Variants in CLOCK observed in about 807,000 individuals in gnomAD.
CLOCK encodes circadian locomoter output cycles protein kaput.
In CLOCK, 43 loss-of-function variants were observed where a neutral mutation model predicts 118.4. The ratio of observed to expected loss-of-function variants is 0.36; its 90% CI spans 0.28 to 0.47. The LOEUF is 0.47. CLOCK is among the 20% of genes least tolerant of loss of function. The pLI, the probability that CLOCK is intolerant of heterozygous loss-of-function variation, is 1.00. For synonymous variants in CLOCK, 326 were observed against 339.2 expected (o/e 0.96, Z 0.43); for missense variants, 846 against 999.9 (o/e 0.85, Z 2.08).
intron 2 of CLOCK, among the ~76,000 whole-genome samples, chr4:55,504,933 C>T (rs112539289): frequency 2.0e-5 from 3 of 152,178 alleles, no homozygotes; most frequent in African/African-American, 7.2e-5. Context: ...CACTGTAATC[C>T]CAGCACTTTG....
In CLOCK at chr4:55,433,053, G is replaced by A. The variant is rs995859919; in HGVS notation, c.*2362C>T. 1 of 152,488 alleles carries A rather than the reference G, an allele frequency of 6.6e-6. No individual in the cohort carries two copies. The highest frequency in any genetic ancestry group is 1.5e-5 in the Non-Finnish European group (1 of 68,016). 9.4% of individuals were successfully genotyped at this position (152,488 alleles called of 1,614,324 possible). A position where few individuals can be genotyped will look rare whatever the true frequency, so the allele number is the denominator to read the frequency against. ...TTCATATCTTTTGTTAGCTAAATCCGTATCACTAGGTATTGCCAATAAATA... is the reference window on the plus strand; with the variant it reads ...TTCATATCTTTTGTTAGCTAAATCCATATCACTAGGTATTGCCAATAAATA... On this transcript the variant is annotated 3_prime_UTR_variant, in exon 23 of 23. Coordinates refer to ENST00000513440, the MANE Select transcript of CLOCK (RefSeq NM_004898.4).
At position 55,430,700 on chromosome 4, in the gene CLOCK, A is replaced by AT. The variant is rs1429805066; in HGVS notation, c.*4714dup. ...TCAGGGCACATTTAAAACACTCAGA[A>AT]TAATTCTTGAAATTATTATATTCTA... On this transcript the variant is annotated 3_prime_UTR_variant, in exon 23 of 23. Coordinates refer to ENST00000513440, the MANE Select transcript of CLOCK (RefSeq NM_004898.4). 1.3e-5 allele frequency: 2 copies of AT among 152,208 alleles called. No individual in the cohort carries two copies. Among genetic ancestry groups the AT allele is most frequent in the Non-Finnish European group, 2.9e-5 (2 of 68,030 alleles). The allele number at this position is 152,208 out of a possible 1,614,324, so 9.4% of individuals were successfully genotyped here. A position where few individuals can be genotyped will look rare whatever the true frequency, so the allele number is the denominator to read the frequency against.
At chr4:55,500,605 C>A (rs1728372320) in intron 2 of CLOCK, among the ~76,000 whole-genome samples, 1 of 152,114 alleles carries the variant, frequency 6.6e-6, no homozygotes, top group Non-Finnish European at 1.5e-5. Flanking sequence ...CCTGCCGTGA[C>A]CTCCCAAATT....
At chr4:55,483,482 C>T (rs374311161) in intron 3 of CLOCK, among the ~76,000 whole-genome samples, 4 of 152,136 alleles carry the variant, frequency 2.6e-5, no homozygotes, top group African/African-American at 9.6e-5. Flanking sequence ...CCTCTGAGAG[C>T]TTGTTTTCAA....
rs543965882 is a variant in CLOCK at position 55,444,538 on chromosome 4, C to T, written c.1692+95G>A. ...ATTGAACTGAATTGATAAAACGTAT[C>T]TCTTGCATCTCACTTTTAATTAAGA... is the stretch of plus-strand genomic sequence containing the variant. On this transcript the variant is annotated intron_variant, in intron 19 of 22. Transcript: ENST00000513440. 8 of 1,419,438 alleles carry T rather than the reference C, an allele frequency of 5.6e-6. No individual in the cohort carries two copies. In the South Asian group the frequency reaches 6.9e-5, roughly 12 times the overall value. The allele number at this position is 1,419,438 out of a possible 1,614,324, so 87.9% of individuals were successfully genotyped here.
intron 13 of CLOCK, 112 bp from the exon 14 acceptor site, chr4:55,453,936 G>T: frequency 1.2e-6 from 1 of 806,326 alleles, no homozygotes. Context: ...TATTTTTCTG[G>T]CCTTTTGATA....
intron 1 of CLOCK, among the ~76,000 whole-genome samples, chr4:55,516,521 GCTTT>G (rs74266177): frequency 0.21 from 31,276 of 151,950 alleles, 3,359 homozygotes; most frequent in Non-Finnish European, 0.23. Context: ...AGCTATTCAT[GCTTT>G]CTTTCGGTTA....
In CLOCK at chr4:55,523,122, C is replaced by T. The variant is rs773544295; in HGVS notation, c.-289-13057G>A. Among the ~76,000 whole-genome samples the T allele has an allele frequency of 1.7e-3, 253 of 146,524 alleles. 1 individual carries two copies. Among genetic ancestry groups the T allele is most frequent in the Middle Eastern group, 3.5e-3 (1 of 286 alleles). ...CATCCTGGCTAACACGGTGAAACCC[C>T]GTCTCTACTAAAAATTAAAAAAAAA... On this transcript the variant is annotated intron_variant, in intron 1 of 22. Coordinates refer to ENST00000513440, the MANE Select transcript of CLOCK (RefSeq NM_004898.4).
At chr4:55,453,630 T>C (rs1324918572) in intron 14 of CLOCK, 47 bp downstream of exon 14, 2 of 1,557,152 alleles carry the variant, frequency 1.3e-6, no homozygotes, top group Non-Finnish European at 1.8e-6. Flanking sequence ...GCCAAAATCA[T>C]CATAGGATGT....
chr4:55,445,582 C>CTTTTTTTTTTTTTTTTTTTTTTTTTTTT lies in CLOCK; in HGVS notation c.1540-798_1540-797insAAAAAAAAAAAAAAAAAAAAAAAAAAAA, dbSNP rs56157186. Reference sequence around the variant, plus strand: ...TCTCTGCATCTGCTATTTCTATATTCTTTTTTTTTTTTTTTTTTTTTTTTT... The same window carrying CTTTTTTTTTTTTTTTTTTTTTTTTTTTT: ...TCTCTGCATCTGCTATTTCTATATTCTTTTTTTTTTTTTTTTTTTTTTTTTTTTTTTTTTTTTTTTTTTTTTTTTTTTT... On this transcript the variant is annotated intron_variant, in intron 18 of 22. Coordinates refer to ENST00000513440, the MANE Select transcript of CLOCK (RefSeq NM_004898.4). Among the ~76,000 whole-genome samples the CTTTTTTTTTTTTTTTTTTTTTTTTTTTT allele has an allele frequency of 5.5e-4, 38 of 68,590 alleles. 7 individuals carry two copies. Among genetic ancestry groups the CTTTTTTTTTTTTTTTTTTTTTTTTTTTT allele is most frequent in the East Asian group, 9.9e-4 (2 of 2,020 alleles). 45.0% of individuals were successfully genotyped at this position (68,590 alleles called of 152,430 possible).
chr4:55,536,870 C>A lies in CLOCK; in HGVS notation c.-290+9912G>T, dbSNP rs530977179. On this transcript the variant is annotated intron_variant, in intron 1 of 22. Transcript: ENST00000513440. ...TGGCATTCAATAAAAAATTATGAGA[C>A]ATAAACAAAACAATCAACAGACTTG... Among the ~76,000 whole-genome samples, 8 of 151,958 alleles carry A rather than the reference C, an allele frequency of 5.3e-5. No individual in the cohort carries two copies. The East Asian group carries it at 1.2e-3, about 22-fold the overall frequency.
At chr4:55,455,759 T>C in intron 13 of CLOCK, 138 bp downstream of exon 13, 6 of 690,150 alleles carry the variant, frequency 8.7e-6, no homozygotes, top group South Asian at 5.1e-5. Flanking sequence ...ATTGGTTATA[T>C]ACATAAAGCA....
At position 55,444,763 on chromosome 4, in the gene CLOCK, C is replaced by T; in HGVS notation, c.1562G>A (p.Gly521Glu). The T allele has an allele frequency of 6.2e-7, 1 of 1,613,876 alleles. No individual in the cohort carries two copies. Among genetic ancestry groups the T allele is most frequent in the Non-Finnish European group, 8.5e-7 (1 of 1,179,964 alleles). Reference sequence around the variant, plus strand: ...TTGGTCTTTCAGATGTTGCATGGCTCCTAATTGAGCTGAAAACTGAAACTG... The same window carrying T: ...TTGGTCTTTCAGATGTTGCATGGCTTCTAATTGAGCTGAAAACTGAAACTG... The part of the protein sequence containing the change: ...MSQFQFSAQL[G>E]AMQHLKDQLE... Residue 521 changes from glycine (G) to glutamate (E), a missense_variant, in exon 19 of 23, where the codon GGA (glycine) becomes GAA (glutamate). By Grantham distance (98) the Gly-to-Glu change is moderately conservative (BLOSUM62 -2). Around this residue, in one of 4 missense-constraint regions of CLOCK, gnomAD observed 520 missense variants for 558.0 expected, o/e 0.93. Coordinates refer to ENST00000513440, the MANE Select transcript of CLOCK (RefSeq NM_004898.4).
chr4:55,531,703 C>CAAAAAAAAAAAAAAA (rs373796432), intron 1 of CLOCK, among the ~76,000 whole-genome samples: 1 of 41,278 alleles, frequency 2.4e-5, no homozygotes. Flanking sequence ...GACTTCGTCT[C>CAAAAAAAAAAAAAAA]AAAAAAAAAA....
intron 4 of CLOCK, among the ~76,000 whole-genome samples, chr4:55,481,151 C>G (rs898418554): frequency 3.9e-5 from 6 of 152,094 alleles, no homozygotes; most frequent in African/African-American, 7.2e-5. Flanking sequence ...TTTAGCCACA[C>G]CTTTCTATGG....
intron 9 of CLOCK, among the ~76,000 whole-genome samples, chr4:55,459,556 T>G (rs1725175246): frequency 6.6e-6 from 1 of 152,234 alleles, no homozygotes; most frequent in African/African-American, 2.4e-5. Context: ...CTTCACATTC[T>G]AAAGCTAATC....
intron 2 of CLOCK, among the ~76,000 whole-genome samples, chr4:55,502,096 C>A (rs1451999971): frequency 6.6e-6 from 1 of 152,188 alleles, no homozygotes; most frequent in Non-Finnish European, 1.5e-5. Context: ...AGGCATACAA[C>A]CTTGCAATTG....
chr4:55,480,728 A>G (rs2109902014), intron 4 of CLOCK, among the ~76,000 whole-genome samples: 1 of 152,168 alleles, frequency 6.6e-6, no homozygotes, highest in East Asian at 1.9e-4. Flanking sequence ...AGTCTCTACT[A>G]AAGATACAAA....
At chr4:55,451,490 G>C (rs1159867952) in intron 15 of CLOCK, among the ~76,000 whole-genome samples, 2 of 152,092 alleles carry the variant, frequency 1.3e-5, no homozygotes, top group East Asian at 3.8e-4. Flanking sequence ...CAAAATTCAT[G>C]ATTTTGAAAC....
Sources: gnomAD v4.1 joint callset for allele counts (sites outside exome capture counted in the v4.1 genomes callset) on GRCh38, gnomAD v4.1.1 for gene constraint, gnomAD v4.1.1 regional missense constraint, MANE v1.5 for transcripts, NCBI Gene and HGNC (gene_info 2026-07-23, HGNC 2026-07-21) for gene names.